Variants in ARID4B observed in about 807,000 individuals in gnomAD.
ARID4B encodes AT-rich interactive domain-containing protein 4B.
In ARID4B, 26 loss-of-function variants were observed where a neutral mutation model predicts 147.5. The observed-to-expected ratio is 0.18, with a 90% CI of 0.13 to 0.24. The LOEUF is 0.24. Ranked by LOEUF, ARID4B falls within the 10% of genes least tolerant of loss-of-function variation. The pLI, the probability that ARID4B is intolerant of heterozygous loss-of-function variation, is 1.00. For synonymous variants in ARID4B, 512 were observed against 507.9 expected (o/e 1.01, Z -0.11); for missense variants, 1,179 against 1,511.5 (o/e 0.78, Z 3.65).
intron 2 of ARID4B, among the ~76,000 whole-genome samples, chr1:235,267,969 T>G (rs1332628846): frequency 6.6e-6 from 1 of 152,098 alleles, no homozygotes; most frequent in African/African-American, 2.4e-5. Context: ...CTGGGGCCAT[T>G]TCTTCTCTCC....
At chr1:235,321,943 G>C (rs986055734) in intron 2 of ARID4B, among the ~76,000 whole-genome samples, 1 of 152,052 alleles carries the variant, frequency 6.6e-6, no homozygotes, top group Non-Finnish European at 1.5e-5. Context: ...TTTTGCAGTG[G>C]CCTGATCTCA....
intron 23 of ARID4B, among the ~76,000 whole-genome samples, chr1:235,171,385 A>G (rs1348993200): frequency 6.6e-6 from 1 of 152,070 alleles, no homozygotes; most frequent in Non-Finnish European, 1.5e-5. Flanking sequence ...GTGAGCTGAG[A>G]TCGCGCCACT....
chr1:235,191,146 TA>T (rs1665072643), intron 19 of ARID4B, among the ~76,000 whole-genome samples: 1 of 152,062 alleles, frequency 6.6e-6, no homozygotes, highest in Non-Finnish European at 1.5e-5. Flanking sequence ...AAAATAGGGG[TA>T]AATCACCATA....
chr1:235,185,382 T>C (rs1431007263), intron 19 of ARID4B, among the ~76,000 whole-genome samples: 1 of 152,226 alleles, frequency 6.6e-6, no homozygotes, highest in Non-Finnish European at 1.5e-5. Flanking sequence ...TTTTACATTA[T>C]TTTATTTCAT....
Position 235,255,720 on chromosome 1 carries a change from C to T in ARID4B, c.214G>A (p.Asp72Asn). The change falls in exon 5 of 24, where the codon GAT becomes AAT. Residue 72 changes from aspartate to asparagine, a missense_variant. Physicochemically the swap from Asp to Asn is conservative, Grantham distance 23. Transcript: ENST00000264183. ...VGAIVEVKNL[D>N]GAYQEAVINK... ...ATAACAGCTTCCTGATATGCACCAT[C>T]AAGATTCTTCACTTCCACAATAGCT... 2 of 1,611,926 alleles carry T rather than the reference C, an allele frequency of 1.2e-6. No homozygotes were observed. The highest frequency in any genetic ancestry group is 1.7e-6 in the Non-Finnish European group (2 of 1,178,982).
intron 19 of ARID4B, among the ~76,000 whole-genome samples, chr1:235,188,114 T>G (rs1279778953): frequency 1.3e-5 from 2 of 151,140 alleles, no homozygotes; most frequent in African/African-American, 2.4e-5. Flanking sequence ...TGTGGGGGGG[T>G]TTGGGGTCAT....
At chr1:235,219,144 C>T (rs779769630) in intron 16 of ARID4B, among the ~76,000 whole-genome samples, 9 of 152,020 alleles carry the variant, frequency 5.9e-5, no homozygotes, top group East Asian at 1.9e-4. Context: ...GGATTACAGG[C>T]GTGAACCACC....
intron 17 of ARID4B, among the ~76,000 whole-genome samples, chr1:235,203,559 A>C (rs971539889): frequency 6.6e-6 from 1 of 152,194 alleles, no homozygotes; most frequent in African/African-American, 2.4e-5. Flanking sequence ...CCAACCATTA[A>C]GTAAATGTTA....
At chr1:235,265,191 C>T (rs1343320308) in intron 2 of ARID4B, among the ~76,000 whole-genome samples, 1 of 150,630 alleles carries the variant, frequency 6.6e-6, no homozygotes, top group Non-Finnish European at 1.5e-5. Context: ...TGGTGAAAAC[C>T]CCCTCTCTAC....
intron 2 of ARID4B, among the ~76,000 whole-genome samples, chr1:235,315,618 T>C (rs1674374220): frequency 6.6e-6 from 1 of 152,218 alleles, no homozygotes; most frequent in Non-Finnish European, 1.5e-5. Context: ...TGATACACCC[T>C]ATTTTCTACC....
At chr1:235,302,836 G>C (rs1198825218) in intron 2 of ARID4B, among the ~76,000 whole-genome samples, 1 of 152,186 alleles carries the variant, frequency 6.6e-6, no homozygotes, top group Non-Finnish European at 1.5e-5. Flanking sequence ...TAAAATTTAA[G>C]CATCACAGAA....
intron 19 of ARID4B, among the ~76,000 whole-genome samples, chr1:235,193,311 C>T (rs567415928): frequency 6.6e-6 from 1 of 152,112 alleles, no homozygotes; most frequent in East Asian, 1.9e-4. Context: ...GTGTGAGGAT[C>T]TTTAGAGTCT....
chr1:235,226,804 G>C (rs1369184587), intron 11 of ARID4B, among the ~76,000 whole-genome samples: 1 of 151,648 alleles, frequency 6.6e-6, no homozygotes, highest in Non-Finnish European at 1.5e-5. Context: ...GATTACAGGC[G>C]TGAGCCACCG....
At chr1:235,173,864 A>G (rs1234783614) in intron 22 of ARID4B, among the ~76,000 whole-genome samples, 1 of 130,224 alleles carries the variant, frequency 7.7e-6, no homozygotes, top group Non-Finnish European at 1.6e-5. Flanking sequence ...AAGATTTATG[A>G]AGATTTCTCA....
At chr1:235,199,460 T>A (rs978164355) in intron 17 of ARID4B, among the ~76,000 whole-genome samples, 10 of 152,192 alleles carry the variant, frequency 6.6e-5, no homozygotes, top group Non-Finnish European at 5.9e-5. Context: ...CTAGAGCATA[T>A]CTTAAAAATT....
Position 235,179,370 on chromosome 1 carries a change from A to G in ARID4B, c.3335-1457T>C, listed in dbSNP as rs542883044. Among the ~76,000 whole-genome samples the G allele has an allele frequency of 1.6e-4, 25 of 151,974 alleles. No homozygotes were observed. In the South Asian group the frequency reaches 5.2e-3, roughly 32 times the overall value. ...GCCAACATGGCGAAACCCCATCTCT[A>G]CTAAACAAAATACAAAAATTAGCCG... On this transcript the variant is annotated intron_variant, in intron 20 of 23. Coordinates refer to ENST00000264183, the MANE Select transcript of ARID4B (RefSeq NM_016374.6).
intron 2 of ARID4B, among the ~76,000 whole-genome samples, chr1:235,271,456 C>T (rs1670981387): frequency 1.3e-5 from 2 of 151,788 alleles, no homozygotes; most frequent in African/African-American, 2.4e-5. Flanking sequence ...ATGGTGAAAC[C>T]CAGTCTCTAC....
chr1:235,220,182 TGAA>T (rs1470252422), intron 15 of ARID4B, 117 bp downstream of exon 15: 6 of 969,178 alleles, frequency 6.2e-6, no homozygotes, highest in African/African-American at 3.4e-5. Context: ...TAGCACTTAA[TGAA>T]GAAAATAAAC....
At chr1:235,285,236 G>C (rs1454740596) in intron 2 of ARID4B, among the ~76,000 whole-genome samples, 1 of 152,156 alleles carries the variant, frequency 6.6e-6, no homozygotes, top group Non-Finnish European at 1.5e-5. Flanking sequence ...CTAGCATGTA[G>C]AATCCAACAA....
Sources: allele counts gnomAD v4.1 joint callset (sites outside exome capture counted in the v4.1 genomes callset), GRCh38; gene constraint gnomAD v4.1.1; transcripts MANE v1.5; gene names NCBI Gene and HGNC (gene_info 2026-07-23, HGNC 2026-07-21).